STXBP5L: variants seen among roughly 807,000 people sequenced by gnomAD.
STXBP5L encodes syntaxin-binding protein 5-like.
Under a neutral mutation model 144.5 loss-of-function variants are expected in STXBP5L, and 65 were observed. The observed-to-expected ratio is 0.45, with a 90% CI of 0.37 to 0.55. STXBP5L has a LOEUF of 0.55. Among genes scored for constraint, STXBP5L ranks in the 20% least tolerant of loss-of-function variants. The pLI is 0.00. For synonymous variants in STXBP5L, 505 were observed against 469.6 expected, an observed-to-expected ratio of 1.08 and a Z score of -0.97; for missense variants, 1,298 against 1,405.5, an observed-to-expected ratio of 0.92 and a Z score of 1.22.
chr3:121,120,725 G>A (rs2044420646), intron 6 of STXBP5L, among the ~76,000 whole-genome samples: 1 of 151,166 alleles, frequency 6.6e-6, no homozygotes, highest in Admixed American at 6.6e-5. Context: ...TAGTTTCTAA[G>A]ATTTAAATCT....
At chr3:120,916,643 G>T (rs1709116955) in intron 2 of STXBP5L, among the ~76,000 whole-genome samples, 1 of 152,032 alleles carries the variant, frequency 6.6e-6, no homozygotes, top group Admixed American at 6.6e-5. Context: ...ATTGACAATA[G>T]CATAAAATCG....
At chr3:121,103,604 C>T (rs1314422974) in intron 5 of STXBP5L, among the ~76,000 whole-genome samples, 1 of 152,060 alleles carries the variant, frequency 6.6e-6, no homozygotes, top group East Asian at 1.9e-4. Context: ...TATACCCATG[C>T]AGCACACCTA....
chr3:121,134,669 T>C (rs1029703111), intron 7 of STXBP5L, among the ~76,000 whole-genome samples: 35 of 152,200 alleles, frequency 2.3e-4, no homozygotes, highest in African/African-American at 7.9e-4. Context: ...GGTTTTTTGT[T>C]CTTGTGATAG....
chr3:121,145,668 A>G (rs572247635), intron 7 of STXBP5L, among the ~76,000 whole-genome samples: 86 of 152,180 alleles, frequency 5.7e-4, no homozygotes, highest in African/African-American at 2.0e-3. Context: ...TAAAAATAAT[A>G]ATGACTTCTT....
chr3:120,976,993 G>A (rs1254481612), intron 3 of STXBP5L, among the ~76,000 whole-genome samples: 1 of 152,034 alleles, frequency 6.6e-6, no homozygotes, highest in Non-Finnish European at 1.5e-5. Flanking sequence ...AATAGGTGTG[G>A]TGTGGTGCTG....
chr3:121,002,658 A>C (rs1353822509), intron 3 of STXBP5L, among the ~76,000 whole-genome samples: 1 of 152,076 alleles, frequency 6.6e-6, no homozygotes, highest in Non-Finnish European at 1.5e-5. Flanking sequence ...TAAGAGATTA[A>C]CTTGTCATTT....
intron 17 of STXBP5L, among the ~76,000 whole-genome samples, chr3:121,257,725 G>A (rs1319317753): frequency 6.6e-6 from 1 of 152,156 alleles, no homozygotes; most frequent in African/African-American, 2.4e-5. Flanking sequence ...AGGAGTTTGA[G>A]AGCAGCCTGG....
At chr3:120,986,313 C>A (rs891616326) in intron 3 of STXBP5L, among the ~76,000 whole-genome samples, 2 of 151,858 alleles carry the variant, frequency 1.3e-5, no homozygotes, top group Admixed American at 6.6e-5. Flanking sequence ...AACGTATGAT[C>A]TGTCCTGAAA....
At chr3:121,142,926 CTG>C (rs1441301737) in intron 7 of STXBP5L, among the ~76,000 whole-genome samples, 19 of 151,676 alleles carry the variant, frequency 1.3e-4, no homozygotes, top group Non-Finnish European at 1.9e-4. Context: ...ATCAACAAAA[CTG>C]AGAGTTATTA....
chr3:121,064,062 G>A (rs967474139), intron 5 of STXBP5L, among the ~76,000 whole-genome samples: 3 of 152,092 alleles, frequency 2.0e-5, no homozygotes, highest in Admixed American at 6.5e-5. Context: ...CAGCTAGCTC[G>A]GTGTCTGCTC....
intron 3 of STXBP5L, among the ~76,000 whole-genome samples, chr3:120,991,641 C>G (rs1264890051): frequency 2.0e-5 from 3 of 152,160 alleles, no homozygotes; most frequent in Non-Finnish European, 4.4e-5. Context: ...CCATGGAATA[C>G]TGTGCAGCCA....
chr3:121,312,230 C>T (rs1382750471), intron 19 of STXBP5L, among the ~76,000 whole-genome samples: 1 of 151,936 alleles, frequency 6.6e-6, no homozygotes, highest in Admixed American at 6.6e-5. Flanking sequence ...GACCTAAAAG[C>T]ATAAAAACCC....
At chr3:121,351,633 A>G (rs149420133) in intron 20 of STXBP5L, among the ~76,000 whole-genome samples, 1 of 152,174 alleles carries the variant, frequency 6.6e-6, no homozygotes, top group Non-Finnish European at 1.5e-5. Flanking sequence ...TCTCCCATTT[A>G]TATGGTGCCT....
At chr3:121,208,526 A>T (rs1055187223) in intron 10 of STXBP5L, among the ~76,000 whole-genome samples, 1 of 151,852 alleles carries the variant, frequency 6.6e-6, no homozygotes, top group Non-Finnish European at 1.5e-5. Flanking sequence ...GTTTTATACC[A>T]TTATAACTAA....
chr3:121,386,489 G>T (rs1280690204), intron 22 of STXBP5L, among the ~76,000 whole-genome samples: 5 of 152,060 alleles, frequency 3.3e-5, no homozygotes, highest in Non-Finnish European at 7.4e-5. Flanking sequence ...TGCCATGTTG[G>T]TTTGTTGCAC....
chr3:121,068,167 G>T (rs2041636916), intron 5 of STXBP5L, among the ~76,000 whole-genome samples: 1 of 151,978 alleles, frequency 6.6e-6, no homozygotes, highest in Admixed American at 6.6e-5. Context: ...ACACCACCAT[G>T]CCCAGCTAAT....
At chr3:121,375,666 C>T (rs2046159893) in intron 20 of STXBP5L, among the ~76,000 whole-genome samples, 1 of 152,186 alleles carries the variant, frequency 6.6e-6, no homozygotes, top group Non-Finnish European at 1.5e-5. Flanking sequence ...CATTTTTTAA[C>T]ATGCCAGCCC....
chr3:121,352,690 T>C (rs1040818195), intron 20 of STXBP5L, among the ~76,000 whole-genome samples: 6 of 152,092 alleles, frequency 3.9e-5, no homozygotes, highest in Non-Finnish European at 7.4e-5. Context: ...TCTTGCCTGA[T>C]TGCCCTGGCC....
At chr3:120,983,180 G>A (rs957025983) in intron 3 of STXBP5L, among the ~76,000 whole-genome samples, 42 of 152,158 alleles carry the variant, frequency 2.8e-4, no homozygotes, top group African/African-American at 9.7e-4. Flanking sequence ...AGCAGGGATG[G>A]CAGGAGTCTA....
Sources: gnomAD v4.1 joint callset for allele counts (sites outside exome capture counted in the v4.1 genomes callset) on GRCh38, gnomAD v4.1.1 for gene constraint, MANE v1.5 for transcripts, NCBI Gene and HGNC (gene_info 2026-07-23, HGNC 2026-07-21) for gene names.